KCNIP4: variants seen among roughly 807,000 people sequenced by gnomAD.
KCNIP4 encodes the protein potassium voltage-gated channel interacting protein 4.
A neutral mutation model predicts 34.0 loss-of-function variants in KCNIP4; 12 were observed. That is an observed-to-expected ratio of 0.35 (90% CI 0.23 to 0.57). KCNIP4 has a LOEUF of 0.57. Among genes scored for constraint, KCNIP4 ranks in the 20% least tolerant of loss-of-function variants. The probability of loss-of-function intolerance (pLI) is 0.83; values close to 1 mark genes in which losing one functional copy is unlikely to be tolerated. For missense variants in KCNIP4, 238 were observed against 311.7 expected (o/e 0.76, Z 1.78); for synonymous variants, 124 against 102.2 (o/e 1.21, Z -1.29).
chr4:21,795,765 A>G (rs1300212586), intron 1 of KCNIP4, among the ~76,000 whole-genome samples: 1 of 152,088 alleles, frequency 6.6e-6, no homozygotes, highest in African/African-American at 2.4e-5. Context: ...TTCTTCTTTG[A>G]AAAAAATAAA....
chr4:21,800,883 T>C (rs1342309461), intron 1 of KCNIP4, among the ~76,000 whole-genome samples: 1 of 152,152 alleles, frequency 6.6e-6, no homozygotes, highest in Non-Finnish European at 1.5e-5. Context: ...AAGCACACTA[T>C]AGCTTCGAAA....
At chr4:21,751,062 T>TCATGGAAATTCTA (rs1717121106) in intron 1 of KCNIP4, among the ~76,000 whole-genome samples, 1 of 152,136 alleles carries the variant, frequency 6.6e-6, no homozygotes, top group African/African-American at 2.4e-5. Flanking sequence ...GAGCCTGATC[T>TCATGGAAATTCTA]CATGGAAATT....
At chr4:21,627,870 G>A (rs1039418139) in intron 1 of KCNIP4, among the ~76,000 whole-genome samples, 13 of 152,000 alleles carry the variant, frequency 8.6e-5, no homozygotes, top group African/African-American at 1.4e-4. Flanking sequence ...GGAATGGTGC[G>A]GTTATATTAT....
At chr4:21,230,257 C>A (rs980887631) in intron 1 of KCNIP4, among the ~76,000 whole-genome samples, 1 of 152,054 alleles carries the variant, frequency 6.6e-6, no homozygotes, top group Non-Finnish European at 1.5e-5. Flanking sequence ...TCTCCTGGAG[C>A]CTTTGTAGAG....
intron 1 of KCNIP4, among the ~76,000 whole-genome samples, chr4:21,383,461 G>C (rs1031161894): frequency 7.4e-6 from 1 of 134,498 alleles, no homozygotes; most frequent in Middle Eastern, 4.7e-3. Flanking sequence ...CTGGAGAAAT[G>C]TATCTCTATG....
Position 21,037,804 on chromosome 4 carries a change from AT to A in KCNIP4, c.62-155096del, listed in dbSNP as rs577723582. On this transcript the variant is annotated intron_variant, in intron 1 of 8. Transcript: ENST00000382152. Reference sequence around the variant, plus strand: ...AAGGTCTCGCAAACCCTCAACTTGGATTTTTTTTTTTACAGCAAATTAGTTT... The same window carrying A: ...AAGGTCTCGCAAACCCTCAACTTGGATTTTTTTTTTACAGCAAATTAGTTT... Among the ~76,000 whole-genome samples, 176 of 148,440 alleles carry A rather than the reference AT, an allele frequency of 1.2e-3. 1 individual carries two copies. The highest frequency in any genetic ancestry group is 0.011 in the South Asian group (52 of 4,666).
chr4:21,220,748 A>T (rs1201758857), intron 1 of KCNIP4, among the ~76,000 whole-genome samples: 17 of 152,132 alleles, frequency 1.1e-4, no homozygotes, highest in Non-Finnish European at 5.9e-5. Flanking sequence ...TAGCTGCTGA[A>T]TTAAGCTTCA....
intron 1 of KCNIP4, among the ~76,000 whole-genome samples, chr4:21,805,895 A>G (rs1175191515): frequency 6.6e-6 from 1 of 152,126 alleles, no homozygotes; most frequent in Admixed American, 6.5e-5. Context: ...ATATTAAGCA[A>G]CTCAGTAACT....
intron 1 of KCNIP4, among the ~76,000 whole-genome samples, chr4:21,322,624 TC>T (rs1284708332): frequency 2.0e-5 from 3 of 152,112 alleles, no homozygotes; most frequent in African/African-American, 7.2e-5. Flanking sequence ...CCTTCCTGCT[TC>T]GTTCTTCTAC....
chr4:21,126,791 A>G (rs912277238), intron 1 of KCNIP4, among the ~76,000 whole-genome samples: 15 of 152,188 alleles, frequency 9.9e-5, no homozygotes, highest in African/African-American at 2.9e-4. Flanking sequence ...AGCAAGTAGC[A>G]AGGGTGTCTT....
chr4:21,574,385 A>G (rs567857769), intron 1 of KCNIP4, among the ~76,000 whole-genome samples: 1 of 151,978 alleles, frequency 6.6e-6, no homozygotes, highest in East Asian at 1.9e-4. Flanking sequence ...AGAGTGTTCT[A>G]TATTTATATA....
intron 1 of KCNIP4, among the ~76,000 whole-genome samples, chr4:21,679,997 T>TA (rs1392090114): frequency 6.6e-6 from 1 of 152,220 alleles, no homozygotes; most frequent in Non-Finnish European, 1.5e-5. Flanking sequence ...GTGTCTAGTG[T>TA]AATTCTTAAA....
chr4:20,879,035 G>A (rs898409399), intron 2 of KCNIP4, among the ~76,000 whole-genome samples: 1 of 146,400 alleles, frequency 6.8e-6, no homozygotes, highest in African/African-American at 2.4e-5. Context: ...GACGCTCAGA[G>A]TGAGTGCTAC....
intron 1 of KCNIP4, among the ~76,000 whole-genome samples, chr4:21,457,052 A>G (rs1476294900): frequency 6.6e-6 from 1 of 151,792 alleles, no homozygotes; most frequent in African/African-American, 2.4e-5. Flanking sequence ...TCAGTTGTGG[A>G]AAAAAAACAT....
intron 1 of KCNIP4, among the ~76,000 whole-genome samples, chr4:21,357,748 A>G (rs1439657232): frequency 2.6e-5 from 4 of 152,222 alleles, no homozygotes; most frequent in East Asian, 3.9e-4. Context: ...AACCATTGTG[A>G]AAGACAGTGT....
At chr4:21,544,572 A>G (rs1737981296) in intron 1 of KCNIP4, 1 of 152,114 alleles carries the variant, frequency 6.6e-6, no homozygotes, top group African/African-American at 2.4e-5. Context: ...TGAGGTCACA[A>G]TTGCATTGCT....
At chr4:21,571,889 A>G (rs943678885) in intron 1 of KCNIP4, among the ~76,000 whole-genome samples, 2 of 152,208 alleles carry the variant, frequency 1.3e-5, no homozygotes, top group African/African-American at 4.8e-5. Flanking sequence ...TTTTGCTTAC[A>G]TTAATACCCC....
At chr4:21,948,510 T>G in intron 1 of KCNIP4, 61 bp downstream of exon 1, 1 of 1,565,474 alleles carries the variant, frequency 6.4e-7, no homozygotes, top group East Asian at 2.3e-5. Flanking sequence ...GGCAGCCGTC[T>G]TGGCTCGCGA....
At chr4:21,886,524 C>T (rs1029667165) in intron 1 of KCNIP4, among the ~76,000 whole-genome samples, 34 of 152,102 alleles carry the variant, frequency 2.2e-4, no homozygotes, top group African/African-American at 8.2e-4. Context: ...GGATGGGTTT[C>T]TGCCAGCACC....
Sources: gnomAD v4.1 joint callset for allele counts (sites outside exome capture counted in the v4.1 genomes callset) on GRCh38, gnomAD v4.1.1 for gene constraint, MANE v1.5 for transcripts, NCBI Gene and HGNC (gene_info 2026-07-23, HGNC 2026-07-21) for gene names.